Variants in CCL28 observed in about 807,000 individuals in gnomAD.
CCL28 encodes the protein C-C motif chemokine 28.
CCL28 carries 4 observed loss-of-function variants against 7.1 expected under a neutral mutation model. That is an observed-to-expected ratio of 0.56 (90% CI 0.28 to 1.29). The LOEUF (loss-of-function observed/expected upper bound fraction) is 1.29, where lower values mean the gene tolerates loss of function less well. Among genes scored for constraint, CCL28 ranks in the 50% most tolerant of loss-of-function variants. The probability of loss-of-function intolerance (pLI) is 0.11; values close to 1 mark genes in which losing one functional copy is unlikely to be tolerated. For synonymous variants in CCL28, 55 were observed against 57.8 expected, an observed-to-expected ratio of 0.95 and a Z score of 0.22; for missense variants, 151 against 163.4, an observed-to-expected ratio of 0.92 and a Z score of 0.41.
intron 2 of CCL28, among the ~76,000 whole-genome samples, chr5:43,386,077 A>T (rs1265347726): frequency 6.6e-6 from 1 of 152,118 alleles, no homozygotes; most frequent in Non-Finnish European, 1.5e-5. Context: ...GTCTGAGGTG[A>T]TATGTGCCAA....
chr5:43,373,318 T>A (rs892950444), downstream of CCL28, among the ~76,000 whole-genome samples: 2 of 151,974 alleles, frequency 1.3e-5, no homozygotes, highest in South Asian at 2.1e-4. Flanking sequence ...TGTGTGTGTG[T>A]GAGATGACGT....
intron 1 of CCL28, among the ~76,000 whole-genome samples, chr5:43,404,843 A>C (rs995171504): frequency 2.0e-5 from 3 of 152,168 alleles, no homozygotes; most frequent in Non-Finnish European, 4.4e-5. Context: ...AAAACAAAAA[A>C]AACAGGGTTG....
In CCL28 at chr5:43,412,302, T is replaced by C. The variant is rs767168208; in HGVS notation, c.15A>G (p.Gly5=). The part of the protein sequence containing the change: MQQR[G]LAIVALAVCA... ...AGACAGCCAAGGCCACGATGGCGAG[T>C]CCTCTCTGCTGCATTCCTGCCTGCC... The change falls in exon 1 of 3, where the codon GGA becomes GGG. Residue 5 remains glycine (G), a synonymous_variant. Transcript: ENST00000361115. The C allele has an allele frequency of 6.2e-7, 1 of 1,612,656 alleles. No individual in the cohort carries two copies.
chr5:43,382,154 A>G (rs1274944739), intron 2 of CCL28, 102 bp from the exon 3 acceptor site: 15 of 998,846 alleles, frequency 1.5e-5, no homozygotes, highest in Non-Finnish European at 2.2e-5. Context: ...CTGTATTCCT[A>G]GAGACTAAAT....
chr5:43,405,218 A>C (rs62368929), intron 1 of CCL28, among the ~76,000 whole-genome samples: 3,063 of 152,342 alleles, frequency 0.02, 42 homozygotes, highest in South Asian at 0.045. Flanking sequence ...TCTTAGCATC[A>C]CATTGCACTT....
intron 2 of CCL28, among the ~76,000 whole-genome samples, chr5:43,385,186 C>T (rs1162516915): frequency 1.3e-5 from 2 of 152,300 alleles, no homozygotes; most frequent in South Asian, 2.1e-4. Context: ...CGTGAGCCAC[C>T]GCGCCCGGCC....
At chr5:43,358,862 G>T in the CCL28 span, among the ~76,000 whole-genome samples, 4 of 152,190 alleles carry the variant, frequency 2.6e-5, no homozygotes, top group Admixed American at 6.5e-5. Flanking sequence ...ATGACAGCAA[G>T]AGAGGTCTAG....
intron 1 of CCL28, among the ~76,000 whole-genome samples, chr5:43,400,126 A>G (rs552157141): frequency 3.9e-5 from 6 of 152,190 alleles, no homozygotes; most frequent in Non-Finnish European, 8.8e-5. Flanking sequence ...GATTATAGGC[A>G]TGAGCCACTG....
chr5:43,407,723 A>C (rs181369036), intron 1 of CCL28, among the ~76,000 whole-genome samples: 1,627 of 152,320 alleles, frequency 0.011, 29 homozygotes, highest in African/African-American at 0.038. Flanking sequence ...AGAATGGGAG[A>C]AAAATTTTTA....
At chr5:43,406,988 A>G (rs1741306961) in intron 1 of CCL28, among the ~76,000 whole-genome samples, 1 of 152,242 alleles carries the variant, frequency 6.6e-6, no homozygotes, top group South Asian at 2.1e-4. Flanking sequence ...AATGAAATAA[A>G]AGAGGATACA....
At chr5:43,400,379 T>G (rs1488612201) in intron 1 of CCL28, among the ~76,000 whole-genome samples, 1 of 151,938 alleles carries the variant, frequency 6.6e-6, no homozygotes, top group African/African-American at 2.4e-5. Flanking sequence ...GAGAGTGGGG[T>G]CTCACTCTAT....
intron 1 of CCL28, among the ~76,000 whole-genome samples, chr5:43,411,845 T>C (rs1399940570): frequency 6.6e-6 from 1 of 152,240 alleles, no homozygotes; most frequent in Non-Finnish European, 1.5e-5. Context: ...GCCAAGTCTG[T>C]ATTTCCCTCC....
In CCL28 at chr5:43,388,494, A is replaced by G. The variant is rs745810512; in HGVS notation, c.65-18T>C. 6.2e-7 allele frequency: 1 copy of G among 1,611,886 alleles called. No homozygotes were observed. Among genetic ancestry groups the G allele is most frequent in the African/African-American group, 1.3e-5 (1 of 74,892 alleles). ...AAGTATGGCTAAAAGAAGAAAAGAA[A>G]GAAAATGTTAAATTTTACGGTTTAT... On this transcript the variant is annotated intron_variant, in intron 1 of 2. Transcript: ENST00000361115.
the CCL28 span, among the ~76,000 whole-genome samples, chr5:43,361,329 G>A: frequency 1.3e-5 from 2 of 152,090 alleles, no homozygotes; most frequent in African/African-American, 4.8e-5. Context: ...TCCTTTGATA[G>A]CCATTCTTTC....
chr5:43,374,652 A>G (rs1739849321), downstream of CCL28, among the ~76,000 whole-genome samples: 1 of 151,912 alleles, frequency 6.6e-6, no homozygotes, highest in Admixed American at 6.6e-5. Context: ...GTGATGGTGC[A>G]CGCCTGTAAT....
chr5:43,377,717 C>CTTTTTTTTTTTTTTTTTTTT (rs767834184), downstream of CCL28, among the ~76,000 whole-genome samples: 4 of 42,712 alleles, frequency 9.4e-5, 1 homozygote, highest in Non-Finnish European at 1.5e-4. Flanking sequence ...AGAACTTAAA[C>CTTTTTTTTTTTTTTTTTTTT]TTTTTTTTTT....
At chr5:43,406,850 G>A (rs1017799475) in intron 1 of CCL28, among the ~76,000 whole-genome samples, 1 of 152,086 alleles carries the variant, frequency 6.6e-6, no homozygotes, top group Admixed American at 6.5e-5. Flanking sequence ...ACCAATAACA[G>A]ACAAACAGAG....
chr5:43,387,285 AGTGAACC>A (rs1740379105), intron 2 of CCL28, among the ~76,000 whole-genome samples: 2 of 152,248 alleles, frequency 1.3e-5, no homozygotes, highest in African/African-American at 4.8e-5. Flanking sequence ...GCTGTACACA[AGTGAACC>A]GTGTAACCTG....
Position 43,385,388 on chromosome 5 carries a change from G to A in CCL28, c.191+2962C>T, listed in dbSNP as rs569807647. ...AAGAAGCCTAGTAAGTTTACCGTAC[G>A]TTGACTTATATTAATTAATTGTTAT... is the stretch of plus-strand genomic sequence containing the variant. On this transcript the variant is annotated intron_variant, in intron 2 of 2. Coordinates refer to ENST00000361115, the MANE Select transcript of CCL28 (RefSeq NM_148672.3). Among the ~76,000 whole-genome samples, 8 of 152,274 alleles carry A rather than the reference G, an allele frequency of 5.3e-5. No individual in the cohort carries two copies. The South Asian group carries it at 8.3e-4, about 16-fold the overall frequency.
Sources: gnomAD v4.1 joint callset for allele counts (sites outside exome capture counted in the v4.1 genomes callset) on GRCh38, gnomAD v4.1.1 for gene constraint, MANE v1.5 for transcripts, NCBI Gene and HGNC (gene_info 2026-07-23, HGNC 2026-07-21) for gene names.